Variants in DPP10 observed in about 807,000 individuals in gnomAD.
DPP10 encodes dipeptidyl peptidase like 10.
DPP10 carries 33 observed loss-of-function variants against 120.9 expected under a neutral mutation model. The observed-to-expected ratio is 0.27, with a 90% confidence interval of 0.21 to 0.37. The LOEUF is 0.37. Ranked by LOEUF, DPP10 falls within the 10% of genes least tolerant of loss-of-function variation. DPP10 has a pLI of 1.00. For missense variants in DPP10, 816 were observed against 942.8 expected (o/e 0.87, Z 1.76); for synonymous variants, 337 against 326.1 (o/e 1.03, Z -0.36).
intron 7 of DPP10, among the ~76,000 whole-genome samples, chr2:115,718,768 G>T (rs780480736): frequency 2.0e-5 from 3 of 152,012 alleles, no homozygotes; most frequent in Non-Finnish European, 4.4e-5. Context: ...CATAGGAGGT[G>T]CCTGATACAT....
intron 1 of DPP10, among the ~76,000 whole-genome samples, chr2:114,697,846 A>G (rs1297767202): frequency 6.6e-6 from 1 of 151,744 alleles, no homozygotes; most frequent in Non-Finnish European, 1.5e-5. Context: ...TCTATTATCT[A>G]TAAGTCACCT....
At chr2:115,746,716 A>G (rs1180395817) in intron 10 of DPP10, among the ~76,000 whole-genome samples, 1 of 152,166 alleles carries the variant, frequency 6.6e-6, no homozygotes, top group East Asian at 1.9e-4. Flanking sequence ...GGTCAGAAGC[A>G]TAATTGTAAT....
intron 4 of DPP10, among the ~76,000 whole-genome samples, chr2:115,514,938 ATATTC>A (rs1346091088): frequency 1.3e-5 from 2 of 151,880 alleles, no homozygotes; most frequent in Non-Finnish European, 3.0e-5. Flanking sequence ...AAACAATATA[ATATTC>A]TATAATATAT....
intron 1 of DPP10, among the ~76,000 whole-genome samples, chr2:115,262,752 A>C (rs574050727): frequency 6.6e-6 from 1 of 152,296 alleles, no homozygotes; most frequent in African/African-American, 2.4e-5. Context: ...CCTCATCTGT[A>C]ATGTATTCTC....
At chr2:114,969,629 C>T (rs1375432288) in intron 1 of DPP10, among the ~76,000 whole-genome samples, 1 of 152,104 alleles carries the variant, frequency 6.6e-6, no homozygotes, top group Non-Finnish European at 1.5e-5. Context: ...CTAGACTGCC[C>T]TTTCCAGCAT....
intron 3 of DPP10, among the ~76,000 whole-genome samples, chr2:115,361,146 G>A (rs1307479026): frequency 6.6e-6 from 1 of 151,962 alleles, no homozygotes; most frequent in South Asian, 2.1e-4. Context: ...GTCTTCCAGA[G>A]CATGGTATAC....
chr2:114,805,063 G>A (rs1301770631), intron 1 of DPP10, among the ~76,000 whole-genome samples: 2 of 152,072 alleles, frequency 1.3e-5, no homozygotes, highest in Non-Finnish European at 2.9e-5. Flanking sequence ...TAAGTCTCAC[G>A]AGATCTGATG....
At chr2:114,946,970 C>A (rs1697408874) in intron 1 of DPP10, among the ~76,000 whole-genome samples, 3 of 152,030 alleles carry the variant, frequency 2.0e-5, no homozygotes, top group South Asian at 4.1e-4. Context: ...ATAAACATAT[C>A]TAGAAATATT....
intron 13 of DPP10, among the ~76,000 whole-genome samples, chr2:115,771,702 G>A (rs1681497525): frequency 1.3e-5 from 2 of 152,006 alleles, no homozygotes; most frequent in South Asian, 4.1e-4. Context: ...AAGTTGTCGT[G>A]CCTGAAAAGT....
intron 10 of DPP10, among the ~76,000 whole-genome samples, chr2:115,748,852 C>T (rs1248464732): frequency 6.6e-6 from 1 of 152,082 alleles, no homozygotes; most frequent in African/African-American, 2.4e-5. Flanking sequence ...AATTCTTACC[C>T]TCATAGTCTC....
At chr2:114,741,608 A>G (rs1479164521) in intron 1 of DPP10, among the ~76,000 whole-genome samples, 1 of 152,200 alleles carries the variant, frequency 6.6e-6, no homozygotes, top group Non-Finnish European at 1.5e-5. Context: ...TATAAATATG[A>G]CCTTATTTGG....
rs955430497 is a variant in DPP10, at chr2:115,749,962, C to G, written c.951-3212C>G. The G allele has an allele frequency of 1.5e-5, 15 of 984,536 alleles. No individual in the cohort carries two copies. In the African/African-American group the frequency reaches 2.6e-4, roughly 17 times the overall value. The allele number at this position is 984,536 out of a possible 1,614,324, so 61.0% of individuals were successfully genotyped here. On this transcript the variant is annotated intron_variant, in intron 10 of 25. Coordinates refer to ENST00000410059, the MANE Select transcript of DPP10 (RefSeq NM_020868.6). The stretch of plus-strand genomic sequence containing the variant: ...AAGTCTGTTGACTTGAGTGCAATCC[C>G]TCTAACTAGCTTGTCTCTGTCTCTG...
At chr2:114,567,593 T>C (rs538055110) in intron 1 of DPP10, among the ~76,000 whole-genome samples, 2 of 152,282 alleles carry the variant, frequency 1.3e-5, no homozygotes, top group South Asian at 2.1e-4. Context: ...TGTGACATAA[T>C]AAAATTACAT....
At chr2:115,766,211 C>T (rs1452494688) in intron 12 of DPP10, among the ~76,000 whole-genome samples, 1 of 150,550 alleles carries the variant, frequency 6.6e-6, no homozygotes, top group African/African-American at 2.4e-5. Flanking sequence ...TTTGCCATTA[C>T]ACGGTAGGTC....
intron 3 of DPP10, among the ~76,000 whole-genome samples, chr2:115,448,815 C>T (rs2072852736): frequency 1.3e-5 from 2 of 151,962 alleles, no homozygotes; most frequent in African/African-American, 2.4e-5. Flanking sequence ...GATCCCTTTC[C>T]AGACTGAATT....
chr2:115,678,473 A>T (rs1256316551), intron 5 of DPP10, among the ~76,000 whole-genome samples: 1 of 152,236 alleles, frequency 6.6e-6, no homozygotes, highest in African/African-American at 2.4e-5. Context: ...GCAGGTGTTC[A>T]TAAGATAAGA....
At chr2:114,799,280 C>T (rs950998575) in intron 1 of DPP10, among the ~76,000 whole-genome samples, 8 of 152,300 alleles carry the variant, frequency 5.3e-5, no homozygotes, top group Admixed American at 2.6e-4. Context: ...CTAACCCCAA[C>T]GTCTTTTCAA....
At chr2:114,832,904 A>C (rs980361090) in intron 1 of DPP10, among the ~76,000 whole-genome samples, 11 of 152,152 alleles carry the variant, frequency 7.2e-5, no homozygotes, top group African/African-American at 2.7e-4. Flanking sequence ...GCTTTGAATA[A>C]GAATAATTGC....
At chr2:115,510,651 A>T (rs1049209968) in intron 4 of DPP10, among the ~76,000 whole-genome samples, 3 of 152,126 alleles carry the variant, frequency 2.0e-5, no homozygotes, top group Non-Finnish European at 4.4e-5. Context: ...GAATTTTAAG[A>T]TCAACTCGTA....
Sources: gnomAD v4.1 joint callset for allele counts (sites outside exome capture counted in the v4.1 genomes callset) on GRCh38, gnomAD v4.1.1 for gene constraint, MANE v1.5 for transcripts, NCBI Gene and HGNC (gene_info 2026-07-23, HGNC 2026-07-21) for gene names.